ENDOD1: variants seen among roughly 807,000 people sequenced by gnomAD.
ENDOD1 encodes the protein endonuclease domain-containing 1 protein.
ENDOD1 carries 9 observed loss-of-function variants against 6.5 expected under a neutral mutation model. The ratio of observed to expected loss-of-function variants is 1.39; its 90% confidence interval spans 0.84 to 2.43. The LOEUF (loss-of-function observed/expected upper bound fraction) is 2.43, where lower values mean the gene tolerates loss of function less well. ENDOD1 is among the 30% of genes most tolerant of loss of function. ENDOD1 has a pLI of 0.00. For synonymous variants in ENDOD1, 255 were observed against 255.2 expected, an observed-to-expected ratio of 1.00 and a Z score of 0.01; for missense variants, 648 against 635.5, an observed-to-expected ratio of 1.02 and a Z score of -0.21.
chr11:95,124,393 A>G (rs1409950687), intron 1 of ENDOD1, among the ~76,000 whole-genome samples: 2 of 152,226 alleles, frequency 1.3e-5, no homozygotes, highest in Non-Finnish European at 1.5e-5. Flanking sequence ...ATCACTATAC[A>G]GGTATAGTAG....
chr11:95,104,920 C>T lies in ENDOD1; in HGVS notation c.300+14693C>T, dbSNP rs912644660. ...CTTCACTGGCTGTTGTCAGTCACTA[C>T]GTTTCTTACACTGAAAACCCAAGAG... On this transcript the variant is annotated intron_variant, in intron 1 of 1. Transcript: ENST00000278505. Among the ~76,000 whole-genome samples the T allele has an allele frequency of 2.0e-5, 3 of 152,260 alleles. No homozygotes were observed. The South Asian group carries it at 6.2e-4, about 32-fold the overall frequency.
At position 95,128,606 on chromosome 11, in the gene ENDOD1, A is replaced by G. The variant is rs1310136979; in HGVS notation, c.530A>G (p.Asn177Ser). ...TQSFQERWYV[N>S]LHSLMDRALT... Reference sequence around the variant, plus strand: ...TCCTTCCAGGAACGGTGGTATGTGAATCTCCACAGCCTAATGGACCGGGCT... The same window carrying G: ...TCCTTCCAGGAACGGTGGTATGTGAGTCTCCACAGCCTAATGGACCGGGCT... The change falls in exon 2 of 2, where the codon AAT becomes AGT. Residue 177 changes from asparagine to serine, a missense_variant. Physicochemically the swap from Asn to Ser is conservative, Grantham distance 46. Transcript: ENST00000278505. 3 of 1,614,088 alleles carry G rather than the reference A, an allele frequency of 1.9e-6. No homozygotes were observed. In the African/African-American group the frequency reaches 4.0e-5, roughly 22 times the overall value.
intron 1 of ENDOD1, among the ~76,000 whole-genome samples, chr11:95,119,976 C>T (rs1859246752): frequency 6.6e-6 from 1 of 152,238 alleles, no homozygotes; most frequent in Admixed American, 6.5e-5. Context: ...TCAGGGAGTA[C>T]TGCCAGAACA....
chr11:95,110,585 GT>G (rs1337503786), intron 1 of ENDOD1, among the ~76,000 whole-genome samples: 1 of 134,138 alleles, frequency 7.5e-6, no homozygotes, highest in African/African-American at 3.7e-5. Flanking sequence ...GTGTATGTAT[GT>G]GTGTGTGTGT....
At chr11:95,103,850 T>TA (rs1184262527) in intron 1 of ENDOD1, among the ~76,000 whole-genome samples, 1 of 152,224 alleles carries the variant, frequency 6.6e-6, no homozygotes, top group Non-Finnish European at 1.5e-5. Flanking sequence ...TCGGCGCATA[T>TA]ATGTTAAGCA....
intron 1 of ENDOD1, among the ~76,000 whole-genome samples, chr11:95,116,841 A>G (rs1859214103): frequency 6.6e-6 from 1 of 152,184 alleles, no homozygotes. Context: ...CTTTGTGTTC[A>G]GAAAAGATGC....
chr11:95,116,134 G>A (rs547803988), intron 1 of ENDOD1, among the ~76,000 whole-genome samples: 7 of 152,058 alleles, frequency 4.6e-5, no homozygotes, highest in African/African-American at 9.7e-5. Context: ...TTTCTTCACC[G>A]GGAGACTTTT....
At chr11:95,111,183 C>T (rs868926633) in intron 1 of ENDOD1, among the ~76,000 whole-genome samples, 4 of 152,284 alleles carry the variant, frequency 2.6e-5, no homozygotes, top group Middle Eastern at 3.4e-3. Context: ...TGGCCCCTGA[C>T]ATTTGCATAG....
Position 95,090,006 on chromosome 11 carries a change from G to A in ENDOD1, c.79G>A (p.Glu27Lys). 2 of 1,573,732 alleles carry A rather than the reference G, an allele frequency of 1.3e-6. No individual in the cohort carries two copies. The highest frequency in any genetic ancestry group is 4.8e-5 in the East Asian group (2 of 41,316). Residue 27 changes from glutamate (E) to lysine (K), a missense_variant, in exon 1 of 2, where the codon GAG becomes AAG. Transcript: ENST00000278505. ...GLLEGRLVGE[E>K]EAGFGECDKF... is the part of the protein sequence containing the mutation. ...GCTGGAAGGCCGGCTCGTGGGCGAG[G>A]AGGAAGCCGGCTTTGGCGAATGTGA...
intron 1 of ENDOD1, among the ~76,000 whole-genome samples, chr11:95,103,632 A>C (rs1591012222): frequency 6.6e-6 from 1 of 152,212 alleles, no homozygotes; most frequent in African/African-American, 2.4e-5. Flanking sequence ...AGGATTAAAC[A>C]TGCAGAGTGG....
At chr11:95,103,645 A>G (rs887193288) in intron 1 of ENDOD1, among the ~76,000 whole-genome samples, 1 of 152,190 alleles carries the variant, frequency 6.6e-6, no homozygotes, top group Non-Finnish European at 1.5e-5. Flanking sequence ...CAGAGTGGTT[A>G]AGAAAATGGG....
chr11:95,102,123 G>A (rs989218046), intron 1 of ENDOD1, among the ~76,000 whole-genome samples: 1 of 152,044 alleles, frequency 6.6e-6, no homozygotes, highest in Non-Finnish European at 1.5e-5. Context: ...TGGTCTGCCC[G>A]AAGTCACAAG....
intron 1 of ENDOD1, among the ~76,000 whole-genome samples, chr11:95,109,546 A>G (rs1298824929): frequency 2.0e-5 from 3 of 152,346 alleles, no homozygotes; most frequent in South Asian, 4.1e-4. Flanking sequence ...TGGCCCTTCA[A>G]TTCAGTGGTT....
intron 1 of ENDOD1, among the ~76,000 whole-genome samples, chr11:95,110,303 A>G (rs1859134808): frequency 6.6e-6 from 1 of 152,142 alleles, no homozygotes; most frequent in African/African-American, 2.4e-5. Context: ...TCTCCATGGG[A>G]TCCCAATATC....
intron 1 of ENDOD1, among the ~76,000 whole-genome samples, chr11:95,093,192 C>G (rs1858947790): frequency 6.6e-6 from 1 of 152,242 alleles, no homozygotes; most frequent in African/African-American, 2.4e-5. Flanking sequence ...AGTTTACAGG[C>G]TCTCCATAGC....
At chr11:95,119,229 G>GT (rs1239666626) in intron 1 of ENDOD1, among the ~76,000 whole-genome samples, 2 of 152,190 alleles carry the variant, frequency 1.3e-5, no homozygotes, top group Non-Finnish European at 2.9e-5. Context: ...ACTTGTAGAT[G>GT]TTTGTCTGTG....
intron 1 of ENDOD1, among the ~76,000 whole-genome samples, chr11:95,092,616 G>A (rs1555109975): frequency 1.3e-5 from 2 of 152,170 alleles, no homozygotes; most frequent in African/African-American, 4.8e-5. Context: ...ACTGCAGGAT[G>A]CTTTTCCCTG....
intron 1 of ENDOD1, among the ~76,000 whole-genome samples, chr11:95,125,778 A>AT (rs1197925915): frequency 7.7e-4 from 117 of 152,022 alleles, no homozygotes; most frequent in Admixed American, 3.9e-4. Context: ...TGAACTCATC[A>AT]TTTTTTGTGG....
At chr11:95,111,137 G>A (rs781976666) in intron 1 of ENDOD1, among the ~76,000 whole-genome samples, 1 of 152,098 alleles carries the variant, frequency 6.6e-6, no homozygotes, top group Non-Finnish European at 1.5e-5. Flanking sequence ...CCTCCTCAGT[G>A]ACAAACTCCC....
Sources: gnomAD v4.1 joint callset for allele counts (sites outside exome capture counted in the v4.1 genomes callset) on GRCh38, gnomAD v4.1.1 for gene constraint, MANE v1.5 for transcripts, NCBI Gene and HGNC (gene_info 2026-07-23, HGNC 2026-07-21) for gene names.